Variants in LHFPL3 observed in about 807,000 individuals in gnomAD.
The protein encoded by LHFPL3 is LHFPL tetraspan subfamily member 3 protein.
In LHFPL3, 5 loss-of-function variants were observed where a neutral mutation model predicts 19.3. That is an observed-to-expected ratio of 0.26 (90% CI 0.14 to 0.54). LHFPL3 has a LOEUF of 0.54. Among genes scored for constraint, LHFPL3 ranks in the 20% least tolerant of loss-of-function variants. The pLI, the probability that LHFPL3 is intolerant of heterozygous loss-of-function variation, is 0.94. For missense variants in LHFPL3, 249 were observed against 307.4 expected (o/e 0.81, Z 1.42); for synonymous variants, 133 against 126.2 (o/e 1.05, Z -0.36).
intron 2 of LHFPL3, among the ~76,000 whole-genome samples, chr7:104,829,694 T>C: frequency 6.6e-6 from 1 of 151,958 alleles, no homozygotes; most frequent in East Asian, 1.9e-4. Flanking sequence ...TATTCCATGG[T>C]GTATATGTGC....
intron 1 of LHFPL3, among the ~76,000 whole-genome samples, chr7:104,679,522 C>A (rs540395300): frequency 6.6e-6 from 1 of 152,212 alleles, no homozygotes. Context: ...GTGTGGAACG[C>A]TTTCAGTTGT....
chr7:104,405,206 C>A (rs1039751568), intron 1 of LHFPL3, among the ~76,000 whole-genome samples: 5 of 152,004 alleles, frequency 3.3e-5, no homozygotes, highest in East Asian at 3.8e-4. Context: ...TTGAGCCTAG[C>A]AAAACAATTT....
intron 1 of LHFPL3, among the ~76,000 whole-genome samples, chr7:104,729,992 A>G (rs544881572): frequency 2.0e-5 from 3 of 151,156 alleles, no homozygotes; most frequent in South Asian, 4.2e-4. Context: ...GAGAACATGC[A>G]GTGTTTGGTT....
intron 2 of LHFPL3, among the ~76,000 whole-genome samples, chr7:104,766,860 G>T (rs1794465781): frequency 6.6e-6 from 1 of 152,146 alleles, no homozygotes; most frequent in African/African-American, 2.4e-5. Flanking sequence ...CTGTGGCAAA[G>T]TTCAAATTTG....
At chr7:104,379,735 T>C (rs1422346705) in intron 1 of LHFPL3, among the ~76,000 whole-genome samples, 1 of 152,050 alleles carries the variant, frequency 6.6e-6, no homozygotes, top group Non-Finnish European at 1.5e-5. Flanking sequence ...ATTTCACCTT[T>C]AGGGTAAAGA....
intron 2 of LHFPL3, among the ~76,000 whole-genome samples, chr7:104,830,632 C>T (rs2116556515): frequency 6.6e-6 from 1 of 152,024 alleles, no homozygotes; most frequent in South Asian, 2.1e-4. Flanking sequence ...TGTCAAAGAT[C>T]AGATGGTTGT....
intron 2 of LHFPL3, among the ~76,000 whole-genome samples, chr7:104,886,385 TGA>T (rs1052788517): frequency 6.6e-6 from 1 of 152,202 alleles, no homozygotes; most frequent in African/African-American, 2.4e-5. Context: ...TTTGTTTTTT[TGA>T]GACAGTCTTG....
At chr7:104,348,259 C>T (rs112633254) in intron 1 of LHFPL3, among the ~76,000 whole-genome samples, 6 of 152,084 alleles carry the variant, frequency 3.9e-5, no homozygotes, top group African/African-American at 1.4e-4. Context: ...GTGGTGCGTG[C>T]CTGTAATTCC....
intron 2 of LHFPL3, among the ~76,000 whole-genome samples, chr7:104,745,111 T>C (rs1334377138): frequency 6.6e-6 from 1 of 152,156 alleles, no homozygotes; most frequent in African/African-American, 2.4e-5. Context: ...CCCCACAAAA[T>C]ATCCAAGCCA....
chr7:104,591,981 C>G (rs6944522), intron 1 of LHFPL3, among the ~76,000 whole-genome samples: 5,195 of 152,242 alleles, frequency 0.034, 112 homozygotes, highest in Middle Eastern at 0.051. Flanking sequence ...CATTTAAGGT[C>G]TTCTCTACAC....
chr7:104,500,908 A>G (rs904717599), intron 1 of LHFPL3, among the ~76,000 whole-genome samples: 1 of 152,136 alleles, frequency 6.6e-6, no homozygotes, highest in Admixed American at 6.5e-5. Context: ...TCAAGTGGCA[A>G]ATGTCCCTGA....
intron 1 of LHFPL3, chr7:104,623,116 A>G: frequency 9.7e-6 from 2 of 205,904 alleles, no homozygotes; most frequent in South Asian, 5.7e-5. Context: ...CCTATTTTTA[A>G]ATTGTGTTAT....
At chr7:104,801,416 G>A (rs1009764953) in intron 2 of LHFPL3, among the ~76,000 whole-genome samples, 1 of 152,148 alleles carries the variant, frequency 6.6e-6, no homozygotes, top group African/African-American at 2.4e-5. Context: ...CGTGGGCAGG[G>A]TAAAAAGAAA....
chr7:104,559,942 T>G (rs1175848031), intron 1 of LHFPL3, among the ~76,000 whole-genome samples: 3 of 150,130 alleles, frequency 2.0e-5, no homozygotes, highest in Non-Finnish European at 4.4e-5. Context: ...GATAATCATG[T>G]GGTTTTTGTC....
intron 2 of LHFPL3, among the ~76,000 whole-genome samples, chr7:104,823,209 C>CA (rs1201121940): frequency 1.3e-5 from 2 of 152,180 alleles, no homozygotes; most frequent in Non-Finnish European, 2.9e-5. Context: ...GGGCCCACTC[C>CA]AAAAATCTTC....
intron 1 of LHFPL3, among the ~76,000 whole-genome samples, chr7:104,432,454 C>T (rs1002653443): frequency 6.6e-6 from 1 of 152,178 alleles, no homozygotes; most frequent in African/African-American, 2.4e-5. Context: ...GAAGATTCTT[C>T]CTCTTCGGGC....
rs1176189742 is a variant in LHFPL3, at chr7:104,430,383, CATAT to C, written c.445+101177_445+101180del. On this transcript the variant is annotated intron_variant, in intron 1 of 2. Coordinates refer to ENST00000424859, the MANE Select transcript of LHFPL3 (RefSeq NM_199000.3). ...GCATTTCTGTGGGTATATATATATACATATATATATATATATATATACATATATA... is the reference window on the plus strand; with the variant it reads ...GCATTTCTGTGGGTATATATATATACATATATATATATATATACATATATA... Among the ~76,000 whole-genome samples the C allele has an allele frequency of 1.3e-3, 53 of 39,680 alleles. 1 individual carries two copies. The highest frequency in any genetic ancestry group is 5.0e-3 in the African/African-American group (36 of 7,230). 26.0% of individuals were successfully genotyped at this position (39,680 alleles called of 152,430 possible). A position where few individuals can be genotyped will look rare whatever the true frequency, so the allele number is the denominator to read the frequency against.
chr7:104,729,581 C>A (rs1793654080), intron 1 of LHFPL3, among the ~76,000 whole-genome samples: 1 of 152,104 alleles, frequency 6.6e-6, no homozygotes, highest in Non-Finnish European at 1.5e-5. Context: ...TCTATGAGAT[C>A]AACTCCTTTA....
In LHFPL3 at chr7:104,828,591, G is replaced by C. The variant is rs549789796; in HGVS notation, c.683-77596G>C. Among the ~76,000 whole-genome samples the C allele has an allele frequency of 8.5e-4, 129 of 152,090 alleles. 3 individuals are homozygous for C. The highest frequency in any genetic ancestry group is 3.1e-3 in the African/African-American group (128 of 41,354). On this transcript the variant is annotated intron_variant, in intron 2 of 2. Coordinates refer to ENST00000424859, the MANE Select transcript of LHFPL3 (RefSeq NM_199000.3). Reference sequence around the variant, plus strand: ...GCCCTTCTTCATTGGGGTGGAGGAGGAAGGCAGCAAAGCCCTCTTAGGAAA... The same window carrying C: ...GCCCTTCTTCATTGGGGTGGAGGAGCAAGGCAGCAAAGCCCTCTTAGGAAA...
Sources: gnomAD v4.1 joint callset for allele counts (sites outside exome capture counted in the v4.1 genomes callset) on GRCh38, gnomAD v4.1.1 for gene constraint, MANE v1.5 for transcripts, NCBI Gene and HGNC (gene_info 2026-07-23, HGNC 2026-07-21) for gene names.